Variants in PRICKLE1 observed in about 807,000 individuals in gnomAD.
PRICKLE1 encodes the protein prickle planar cell polarity protein 1.
In PRICKLE1, 14 loss-of-function variants were observed where a neutral mutation model predicts 70.2. The observed-to-expected ratio is 0.20, with a 90% CI of 0.13 to 0.31. The LOEUF (loss-of-function observed/expected upper bound fraction) is 0.31, where lower values mean the gene tolerates loss of function less well. PRICKLE1 is among the 10% of genes least tolerant of loss of function. The pLI, the probability that PRICKLE1 is intolerant of heterozygous loss-of-function variation, is 1.00. For synonymous variants in PRICKLE1, 357 were observed against 379.9 expected (o/e 0.94, Z 0.70); for missense variants, 821 against 1,026.2 (o/e 0.80, Z 2.73).
At chr12:42,551,180 A>G (rs1043203027) in intron 1 of PRICKLE1, among the ~76,000 whole-genome samples, 1 of 152,228 alleles carries the variant, frequency 6.6e-6, no homozygotes, top group African/African-American at 2.4e-5. Context: ...GTTAATATGC[A>G]CCTATGCAAC....
Position 42,470,249 on chromosome 12 carries a change from A to G in PRICKLE1, c.243T>C (p.Asn81=). The G allele has an allele frequency of 1.2e-6, 2 of 1,601,670 alleles. No individual in the cohort carries two copies. The highest frequency in any genetic ancestry group is 2.2e-5 in the East Asian group (1 of 44,780). The change falls in exon 3 of 8, where the codon AAT becomes AAC. Residue 81 remains asparagine (N), a synonymous_variant. Coordinates refer to ENST00000345127, the MANE Select transcript of PRICKLE1 (RefSeq NM_153026.3). ...AGCCTTCTTCCTGCTATTTTACCTC[A>G]TTATCATGTGGTGGTAACTGGTACA... ...QLLYQLPPHD[N]EVRYCQSLSE...
At chr12:42,500,664 CT>C (rs11448078) in intron 1 of PRICKLE1, among the ~76,000 whole-genome samples, 266 of 142,532 alleles carry the variant, frequency 1.9e-3, no homozygotes, top group African/African-American at 2.2e-3. Flanking sequence ...CATTAATTTT[CT>C]TTTTTTTTTT....
At chr12:42,552,933 C>T (rs1940343160) in intron 1 of PRICKLE1, among the ~76,000 whole-genome samples, 1 of 152,092 alleles carries the variant, frequency 6.6e-6, no homozygotes, top group Non-Finnish European at 1.5e-5. Flanking sequence ...CTGCGCGGTT[C>T]ACAATAGAGT....
In PRICKLE1 at chr12:42,460,198, G is replaced by C. The variant is rs1937760935; in HGVS notation, c.2107C>G (p.Leu703Val). The C allele has an allele frequency of 3.1e-6, 5 of 1,614,154 alleles. No homozygotes were observed. The highest frequency in any genetic ancestry group is 4.2e-6 in the Non-Finnish European group (5 of 1,180,038). Residue 703 changes from leucine (L) to valine (V), a missense_variant, in exon 8 of 8, where the codon CTG (leucine) becomes GTG (valine). By Grantham distance (32) the Leu-to-Val change is conservative (BLOSUM62 1). Transcript: ENST00000345127. ...TTCTCATAGTTATCGGGGGTGTACA[G>C]CCGCAGTCTGTCCTTGGGAGAGTAT... ...RKYSPKDRLRLYTPDNYEKFI... is the reference protein window; with the variant it reads ...RKYSPKDRLRVYTPDNYEKFI...
At chr12:42,540,010 T>TA (rs1198485708) in intron 1 of PRICKLE1, among the ~76,000 whole-genome samples, 10 of 152,222 alleles carry the variant, frequency 6.6e-5, no homozygotes, top group African/African-American at 2.4e-4. Context: ...CAGTACAACA[T>TA]AGACTCATTC....
At chr12:42,560,326 G>A (rs1940489339) in intron 1 of PRICKLE1, among the ~76,000 whole-genome samples, 2 of 151,854 alleles carry the variant, frequency 1.3e-5, no homozygotes, top group South Asian at 4.2e-4. Flanking sequence ...TAGAGATGGA[G>A]TTTCACCATA....
At chr12:42,583,671 G>C (rs1940941143) in intron 1 of PRICKLE1, among the ~76,000 whole-genome samples, 1 of 152,152 alleles carries the variant, frequency 6.6e-6, no homozygotes, top group African/African-American at 2.4e-5. Context: ...TTACAAATTT[G>C]GGTTATACAG....
chr12:42,496,332 T>C (rs1669929), intron 1 of PRICKLE1, among the ~76,000 whole-genome samples: 123,000 of 152,224 alleles, frequency 0.81, 50,243 homozygotes, highest in African/African-American at 0.92. Flanking sequence ...AACAGATATG[T>C]TGTCATCCAG....
chr12:42,533,459 C>T (rs1190560454), intron 1 of PRICKLE1, among the ~76,000 whole-genome samples: 1 of 152,162 alleles, frequency 6.6e-6, no homozygotes, highest in Non-Finnish European at 1.5e-5. Context: ...ACAAGACTTA[C>T]ATTTTGAGCA....
At chr12:42,537,572 C>T (rs2120580352) in intron 1 of PRICKLE1, among the ~76,000 whole-genome samples, 1 of 152,318 alleles carries the variant, frequency 6.6e-6, no homozygotes, top group African/African-American at 2.4e-5. Flanking sequence ...CTCTGTTTTA[C>T]TGAATATTTA....
At position 42,546,646 on chromosome 12, in the gene PRICKLE1, C is replaced by T. The variant is rs187130020; in HGVS notation, c.-49+42819G>A. Among the ~76,000 whole-genome samples the T allele has an allele frequency of 2.9e-3, 446 of 152,032 alleles. 2 individuals are homozygous for T. Among genetic ancestry groups the T allele is most frequent in the Non-Finnish European group, 5.2e-3 (353 of 67,992 alleles). On this transcript the variant is annotated intron_variant, in intron 1 of 7. Coordinates refer to ENST00000345127, the MANE Select transcript of PRICKLE1 (RefSeq NM_153026.3). Reference sequence around the variant, plus strand: ...GCATGTGCCTGTAATCCCAGCTACTCGGGAGAATGAGGTGGGAGGATTGCT... The same window carrying T: ...GCATGTGCCTGTAATCCCAGCTACTTGGGAGAATGAGGTGGGAGGATTGCT...
intron 1 of PRICKLE1, among the ~76,000 whole-genome samples, chr12:42,527,953 ATATATATATATATATATATCTC>A (rs1566114317): frequency 1.1e-4 from 5 of 45,010 alleles, no homozygotes; most frequent in Admixed American, 3.2e-4. Context: ...ATATATATAT[ATATATATATATATATATATCTC>A]CAAAGTTTTA....
intron 1 of PRICKLE1, among the ~76,000 whole-genome samples, chr12:42,490,362 A>G (rs1939076859): frequency 6.6e-6 from 1 of 152,214 alleles, no homozygotes; most frequent in Admixed American, 6.5e-5. Flanking sequence ...GAGCTGGAAC[A>G]CAGGAGGGAG....
intron 1 of PRICKLE1, among the ~76,000 whole-genome samples, chr12:42,525,564 C>T (rs1592001439): frequency 6.6e-6 from 1 of 152,186 alleles, no homozygotes; most frequent in African/African-American, 2.4e-5. Flanking sequence ...GAATTGAATT[C>T]GAGGACAATT....
chr12:42,520,029 G>T (rs1251799666), intron 1 of PRICKLE1, among the ~76,000 whole-genome samples: 1 of 152,164 alleles, frequency 6.6e-6, no homozygotes, highest in East Asian at 1.9e-4. Flanking sequence ...CTCCATACAA[G>T]TTCTGATAAG....
chr12:42,554,115 G>GAAAC (rs1156502108), intron 1 of PRICKLE1, among the ~76,000 whole-genome samples: 1 of 151,944 alleles, frequency 6.6e-6, no homozygotes, highest in Non-Finnish European at 1.5e-5. Flanking sequence ...AAAACAAAAC[G>GAAAC]AAACAAACAA....
At chr12:42,510,318 TCTC>T (rs752288996) in intron 1 of PRICKLE1, among the ~76,000 whole-genome samples, 92 of 152,124 alleles carry the variant, frequency 6.0e-4, no homozygotes, top group Middle Eastern at 6.8e-3. Flanking sequence ...ATGGTCTTGA[TCTC>T]CTGATCTTGT....
chr12:42,570,761 A>C (rs1940696790), intron 1 of PRICKLE1, among the ~76,000 whole-genome samples: 2 of 152,210 alleles, frequency 1.3e-5, no homozygotes, highest in Non-Finnish European at 2.9e-5. Context: ...CGGAGGTTGC[A>C]GTGAGCCGAG....
At chr12:42,569,362 A>C (rs1005867864) in intron 1 of PRICKLE1, among the ~76,000 whole-genome samples, 2 of 152,222 alleles carry the variant, frequency 1.3e-5, no homozygotes, top group Admixed American at 6.5e-5. Flanking sequence ...TCAAGCCTAA[A>C]TTCATTCAGA....
Sources: allele counts gnomAD v4.1 joint callset (sites outside exome capture counted in the v4.1 genomes callset), GRCh38; gene constraint gnomAD v4.1.1; transcripts MANE v1.5; gene names NCBI Gene and HGNC (gene_info 2026-07-23, HGNC 2026-07-21).